The following UBN1 variants were observed in gnomAD, a reference collection of about 807,000 sequenced individuals.
UBN1 encodes the protein ubinuclein-1.
Under a neutral mutation model 108.5 loss-of-function variants are expected in UBN1, and 17 were observed. That is an observed-to-expected ratio of 0.16 (90% CI 0.11 to 0.24). UBN1 has a LOEUF of 0.24. Ranked by LOEUF, UBN1 falls within the 10% of genes least tolerant of loss-of-function variation. UBN1 has a pLI of 1.00. For synonymous variants in UBN1, 726 were observed against 564.2 expected, an observed-to-expected ratio of 1.29 and a Z score of -4.07; for missense variants, 1,595 against 1,394.4, an observed-to-expected ratio of 1.14 and a Z score of -2.29.
chr16:4,875,383 G>A lies in UBN1; in HGVS notation c.2973G>A (p.Pro991=), dbSNP rs760490548. ...GAGTGGCAAAGTTGCTGACCTCGCC[G>A]TCCCTAAAGCCCTCTGCAGTTAGTA... is the stretch of plus-strand genomic sequence containing the variant. ...TQGVAKLLTS[P]SLKPSAVSSV... is the part of the protein sequence containing the mutation. Residue 991 remains proline, a synonymous_variant, in exon 15 of 18, where the codon CCG becomes CCA. Transcript: ENST00000262376. 1.4e-5 allele frequency: 22 copies of A among 1,613,972 alleles called. No homozygotes were observed. Among genetic ancestry groups the A allele is most frequent in the African/African-American group, 5.3e-5 (4 of 74,924 alleles).
chr16:4,849,704 C>T (rs2086446319), intron 1 of UBN1, among the ~76,000 whole-genome samples: 8 of 151,660 alleles, frequency 5.3e-5, no homozygotes, highest in Admixed American at 5.3e-4. Flanking sequence ...GCCATCCTCC[C>T]ACCTCAGCCT....
rs772197099 is a variant in UBN1, at chr16:4,871,183, A to C, written c.1588A>C (p.Lys530Gln). ...GCTACTGTGCCAGGTGGTGAAGATC[A>C]AACTGGAGAGCCAGGACCTGGAGAG... ...RELLCQVVKI[K>Q]LESQDLERNN... is the part of the protein sequence containing the mutation. The change falls in exon 12 of 18, where the codon AAA (lysine) becomes CAA (glutamine). Residue 530 changes from lysine to glutamine, a missense_variant. Lys to Gln is a moderately conservative substitution (Grantham distance 53). Coordinates refer to ENST00000262376, the MANE Select transcript of UBN1 (RefSeq NM_001079514.3). 59 of 1,614,102 alleles carry C rather than the reference A, an allele frequency of 3.7e-5. No individual in the cohort carries two copies. The highest frequency in any genetic ancestry group is 5.9e-6 in the Non-Finnish European group (7 of 1,180,048).
At chr16:4,858,824 T>A in intron 4 of UBN1, 161 bp downstream of exon 4, 1 of 942,076 alleles carries the variant, frequency 1.1e-6, no homozygotes, top group South Asian at 1.6e-5. Flanking sequence ...TTTATCCGGG[T>A]CTTAGTTCCC....
rs141850980 is a variant in UBN1, at chr16:4,855,985, C to T, written c.250-2005C>T. 2.6e-5 allele frequency among the ~76,000 whole-genome samples: 4 copies of T among 152,296 alleles called. No individual in the cohort carries two copies. In the East Asian group the frequency reaches 7.7e-4, roughly 29 times the overall value. On this transcript the variant is annotated intron_variant, in intron 2 of 17. Coordinates refer to ENST00000262376, the MANE Select transcript of UBN1 (RefSeq NM_001079514.3). ...GATTGAGATCTGATTGCCTGATTGC[C>T]AGAATGGAGGCCTGTGAGTCTGTAC...
chr16:4,874,500 C>T lies in UBN1; in HGVS notation c.2090C>T (p.Ala697Val). Reference protein sequence around the residue: ...AAGNSEFTLPAPSKAPAEKVG... With the variant: ...AAGNSEFTLPVPSKAPAEKVG... ...GGGAACTCTGAATTCACACTGCCTGCACCCTCAAAAGCACCTGCAGAAAAA... is the reference window on the plus strand; with the variant it reads ...GGGAACTCTGAATTCACACTGCCTGTACCCTCAAAAGCACCTGCAGAAAAA... Residue 697 changes from alanine (A) to valine (V), a missense_variant, in exon 15 of 18, where the codon GCA becomes GTA. Transcript: ENST00000262376. The T allele has an allele frequency of 6.2e-7, 1 of 1,614,248 alleles. No homozygotes were observed. Among genetic ancestry groups the T allele is most frequent in the Non-Finnish European group, 8.5e-7 (1 of 1,180,052 alleles).
rs925657001 is a variant in UBN1 at position 4,852,956 on chromosome 16, A to T, written c.39A>T (p.Pro13=). 15 of 1,614,056 alleles carry T rather than the reference A, an allele frequency of 9.3e-6. No individual in the cohort carries two copies. The highest frequency in any genetic ancestry group is 1.7e-5 in the Admixed American group (1 of 60,002). The change falls in exon 2 of 18, where the codon CCA becomes CCT. Residue 13 remains proline (P), a synonymous_variant. Transcript: ENST00000262376. ...ACAGGGTCCAGTTCACCTCTCTCCC[A>T]GGTTCCCTGAATCCTGCGTTTTTGA... ...EPHRVQFTSL[P]GSLNPAFLKK...
chr16:4,875,699 G>A (rs147245088), intron 15 of UBN1, among the ~76,000 whole-genome samples: 4 of 152,292 alleles, frequency 2.6e-5, no homozygotes, highest in Non-Finnish European at 5.9e-5. Flanking sequence ...ATGCCTCTTC[G>A]GAGGCTGTCT....
intron 6 of UBN1, 58 bp from the exon 7 acceptor site, chr16:4,860,605 TG>T: frequency 6.6e-7 from 1 of 1,525,470 alleles, no homozygotes; most frequent in Non-Finnish European, 8.8e-7. Context: ...TGAAGGCCTC[TG>T]GAGTTCCCTT....
At chr16:4,859,563 A>T (rs1596486250) in intron 5 of UBN1, among the ~76,000 whole-genome samples, 1 of 151,988 alleles carries the variant, frequency 6.6e-6, no homozygotes. Context: ...GTGTTTAAAA[A>T]CCTGTCTACC....
chr16:4,849,948 A>AC (rs1432399099), intron 1 of UBN1, among the ~76,000 whole-genome samples: 9 of 142,102 alleles, frequency 6.3e-5, no homozygotes, highest in Non-Finnish European at 1.2e-4. Context: ...CAACTGTCTC[A>AC]CAAAAAAAAA....
intron 17 of UBN1, among the ~76,000 whole-genome samples, chr16:4,879,866 G>C (rs950318442): frequency 5.3e-5 from 8 of 152,092 alleles, no homozygotes; most frequent in African/African-American, 1.9e-4. Context: ...AGTGACCACC[G>C]ACCTTCACAG....
rs765138684 is a variant in UBN1, at chr16:4,858,920, T to G, written c.433-105T>G. 1.8e-5 allele frequency: 26 copies of G among 1,439,714 alleles called. 1 individual carries two copies. In the African/African-American group the frequency reaches 3.3e-4, roughly 18 times the overall value. The allele number at this position is 1,439,714 out of a possible 1,614,324, so 89.2% of individuals were successfully genotyped here. A position where few individuals can be genotyped will look rare whatever the true frequency, so the allele number is the denominator to read the frequency against. Reference sequence around the variant, plus strand: ...GACCAGAGGATGTTTTAGCATGCTCTTGGAAGTGGCAGAGGAGCACAGTCA... The same window carrying G: ...GACCAGAGGATGTTTTAGCATGCTCGTGGAAGTGGCAGAGGAGCACAGTCA... On this transcript the variant is annotated intron_variant, in intron 4 of 17. Coordinates refer to ENST00000262376, the MANE Select transcript of UBN1 (RefSeq NM_001079514.3).
At position 4,847,547 on chromosome 16, in the gene UBN1, G is replaced by T. The variant is rs1417314081; in HGVS notation, c.-703G>T. The T allele has an allele frequency of 4.5e-6, 2 of 446,132 alleles. No homozygotes were observed. The highest frequency in any genetic ancestry group is 7.9e-6 in the Non-Finnish European group (2 of 252,008). The allele number at this position is 446,132 out of a possible 1,614,324, so 27.6% of individuals were successfully genotyped here. Reference sequence around the variant, plus strand: ...CGCGGTCTGAGGCGGCGGCGGCGGCGACGGTGCGACCGGCTGAGCGCGAGA... The same window carrying T: ...CGCGGTCTGAGGCGGCGGCGGCGGCTACGGTGCGACCGGCTGAGCGCGAGA... On this transcript the variant is annotated 5_prime_UTR_variant, in exon 1 of 18. Transcript: ENST00000262376.
At chr16:4,860,156 C>T (rs560681827) in intron 6 of UBN1, among the ~76,000 whole-genome samples, 188 bp downstream of exon 6, 26 of 152,218 alleles carry the variant, frequency 1.7e-4, no homozygotes, top group Non-Finnish European at 2.8e-4. Flanking sequence ...CAGATAGTTC[C>T]ACTGTCAGTG....
intron 8 of UBN1, among the ~76,000 whole-genome samples, chr16:4,869,795 T>C (rs1160931189): frequency 6.6e-6 from 1 of 152,094 alleles, no homozygotes; most frequent in Non-Finnish European, 1.5e-5. Context: ...GGGGTGAGGC[T>C]TTCCCTGACC....
intron 1 of UBN1, 194 bp from the exon 2 acceptor site, chr16:4,852,685 C>A: frequency 2.0e-6 from 1 of 491,220 alleles, no homozygotes; most frequent in Non-Finnish European, 3.5e-6. Flanking sequence ...TGGAAGTATG[C>A]TAAGCAGTGA....
chr16:4,852,224 C>T (rs1455426065), intron 1 of UBN1: 2 of 152,218 alleles, frequency 1.3e-5, no homozygotes, highest in African/African-American at 4.8e-5. Context: ...ATTCTGTGAA[C>T]ATTTGGAATT....
At chr16:4,849,475 GATATAT>G (rs140151187) in intron 1 of UBN1, among the ~76,000 whole-genome samples, 50 of 150,844 alleles carry the variant, frequency 3.3e-4, no homozygotes, top group African/African-American at 1.1e-3. Flanking sequence ...TTTAGAAGGA[GATATAT>G]ATATATATAG....
chr16:4,862,503 G>C (rs748696696), intron 7 of UBN1, among the ~76,000 whole-genome samples: 11 of 152,226 alleles, frequency 7.2e-5, no homozygotes, highest in Non-Finnish European at 1.3e-4. Context: ...TGAGCCTGCT[G>C]TCCTATATTT....
Sources: gnomAD v4.1 joint callset for allele counts (sites outside exome capture counted in the v4.1 genomes callset) on GRCh38, gnomAD v4.1.1 for gene constraint, MANE v1.5 for transcripts, NCBI Gene and HGNC (gene_info 2026-07-23, HGNC 2026-07-21) for gene names.